MTAP: variants seen among roughly 807,000 people sequenced by gnomAD.
The protein encoded by MTAP is methylthioadenosine phosphorylase, also known as S-methyl-5'-thioadenosine phosphorylase.
MTAP carries 33 observed loss-of-function variants against 33.6 expected under a neutral mutation model. The observed-to-expected ratio is 0.98, with a 90% confidence interval of 0.74 to 1.31. The LOEUF (loss-of-function observed/expected upper bound fraction) is 1.31, where lower values mean the gene tolerates loss of function less well. MTAP is among the 40% of genes most tolerant of loss of function. The probability of loss-of-function intolerance (pLI) is 0.00; values close to 1 mark genes in which losing one functional copy is unlikely to be tolerated. For missense variants in MTAP, 367 were observed against 360.0 expected (o/e 1.02, Z -0.16); for synonymous variants, 148 against 125.7 (o/e 1.18, Z -1.19).
At chr9:21,894,798 C>T (rs1458233556) in intron 1 of MTAP, among the ~76,000 whole-genome samples, 3 of 151,482 alleles carry the variant, frequency 2.0e-5, no homozygotes, top group African/African-American at 7.3e-5. Context: ...CCAAAGCCTC[C>T]TGCATCTGAT....
intron 5 of MTAP, among the ~76,000 whole-genome samples, chr9:21,846,666 A>G (rs1397437968): frequency 1.3e-5 from 2 of 152,236 alleles, no homozygotes; most frequent in Admixed American, 6.5e-5. Context: ...ATGGAAAGCC[A>G]TATAGAGATT....
intron 1 of MTAP, among the ~76,000 whole-genome samples, chr9:21,913,754 C>A (rs1818626107): frequency 6.6e-6 from 1 of 152,164 alleles, no homozygotes; most frequent in Non-Finnish European, 1.5e-5. Context: ...AAAGCAATGG[C>A]AACAAAAGCC....
At chr9:21,897,437 A>G (rs1307250561) in intron 1 of MTAP, among the ~76,000 whole-genome samples, 1 of 152,202 alleles carries the variant, frequency 6.6e-6, no homozygotes, top group African/African-American at 2.4e-5. Context: ...GAGGAAGTCA[A>G]ATTGTCCCTG....
intron 5 of MTAP, among the ~76,000 whole-genome samples, chr9:21,848,766 T>C (rs1449285192): frequency 1.3e-5 from 2 of 152,176 alleles, no homozygotes; most frequent in African/African-American, 4.8e-5. Flanking sequence ...ATGTCAGATC[T>C]AACTGTGGTA....
chr9:21,910,266 A>G lies in MTAP; in HGVS notation c.148-20742A>G, dbSNP rs182947833. Among the ~76,000 whole-genome samples the G allele has an allele frequency of 1.6e-3, 237 of 152,250 alleles. 5 individuals are homozygous for G. The Middle Eastern group carries it at 0.027, about 17-fold the overall frequency. ...ATTACCAAAACACACAAAGATTCAC[A>G]CCATTAAAGAGTTTGTATCTTAGCA... is the stretch of plus-strand genomic sequence containing the variant. On this transcript the variant is annotated intron_variant, in intron 1 of 1. Coordinates refer to the MTAP transcript ENST00000577563.
intron 1 of MTAP, among the ~76,000 whole-genome samples, chr9:21,877,287 A>G (rs1826026358): frequency 6.6e-6 from 1 of 152,110 alleles, no homozygotes; most frequent in Non-Finnish European, 1.5e-5. Context: ...TATATAGATA[A>G]TCATGTCATG....
chr9:21,862,281 T>A lies in MTAP; in HGVS notation c.*267T>A, dbSNP rs1402928682. 4 of 671,458 alleles carry A rather than the reference T, an allele frequency of 6.0e-6. No individual in the cohort carries two copies. In the African/African-American group the frequency reaches 7.6e-5, roughly 13 times the overall value. 41.6% of individuals were successfully genotyped at this position (671,458 alleles called of 1,614,324 possible). A position where few individuals can be genotyped will look rare whatever the true frequency, so the allele number is the denominator to read the frequency against. ...TAAGGGGGAAAAAAAAACCCACCAT[T>A]CTCTTCTCCCCCTATTAAATTTGCA... On this transcript the variant is annotated 3_prime_UTR_variant, in exon 8 of 8. Transcript: ENST00000644715.
intron 1 of MTAP, among the ~76,000 whole-genome samples, chr9:21,809,741 C>A (rs1013795350): frequency 3.3e-5 from 5 of 152,172 alleles, no homozygotes; most frequent in African/African-American, 1.2e-4. Context: ...AAACAAACTA[C>A]GCCTTGCCCA....
At chr9:21,938,273 C>CAA (rs373456978), downstream of MTAP, among the ~76,000 whole-genome samples, 41 of 113,002 alleles carry the variant, frequency 3.6e-4, no homozygotes, top group South Asian at 1.2e-3. Flanking sequence ...GAGTCCTTCT[C>CAA]AAAAAAAAAA....
At chr9:21,843,054 G>A (rs1457973049) in intron 5 of MTAP, among the ~76,000 whole-genome samples, 1 of 152,030 alleles carries the variant, frequency 6.6e-6, no homozygotes, top group Non-Finnish European at 1.5e-5. Flanking sequence ...AAAAACTTAA[G>A]GTAAAAGGGT....
At chr9:21,930,927 G>A in intron 1 of MTAP, 4 of 662,954 alleles carry the variant, frequency 6.0e-6, no homozygotes, top group Non-Finnish European at 1.1e-5. Flanking sequence ...AGGCCCACAT[G>A]TTAGCCTCTA....
chr9:21,803,065 C>A (rs944626421), intron 1 of MTAP: 6 of 853,830 alleles, frequency 7.0e-6, no homozygotes, highest in Non-Finnish European at 9.7e-6. Flanking sequence ...GCACCCGCAC[C>A]CTGTAGGGCG....
intron 4 of MTAP, 118 bp from the exon 5 acceptor site, chr9:21,837,790 G>C (rs1248686271): frequency 1.4e-6 from 1 of 738,494 alleles, no homozygotes; most frequent in East Asian, 2.5e-5. Context: ...CAGAGGAATT[G>C]AGTCTGGAGT....
chr9:21,805,589 G>T (rs1034359251), intron 1 of MTAP, among the ~76,000 whole-genome samples: 92 of 152,196 alleles, frequency 6.0e-4, no homozygotes, highest in African/African-American at 2.1e-3. Context: ...CCAATGTGAT[G>T]GTATTAGAAG....
intron 1 of MTAP, among the ~76,000 whole-genome samples, chr9:21,885,094 G>T (rs1818088575): frequency 6.6e-6 from 1 of 152,044 alleles, no homozygotes; most frequent in Non-Finnish European, 1.5e-5. Flanking sequence ...GCTTATTTAT[G>T]ATTCATACTT....
chr9:21,934,586 T>C (rs2131053733), downstream of MTAP: 1 of 152,216 alleles, frequency 6.6e-6, no homozygotes, highest in South Asian at 2.1e-4. This position sits in a 1 kb window ranked among gnomAD's most constrained non-coding sequence, Gnocchi z 5.0. Context: ...GTCAGTTTAA[T>C]CTAAGAGCAA....
chr9:21,864,986 A>G lies in MTAP; in HGVS notation c.*2972A>G, dbSNP rs926098672. The G allele has an allele frequency of 5.1e-6, 5 of 985,348 alleles. No homozygotes were observed. The African/African-American group carries it at 8.7e-5, about 17-fold the overall frequency. 61.0% of individuals were successfully genotyped at this position (985,348 alleles called of 1,614,324 possible). On this transcript the variant is annotated 3_prime_UTR_variant, in exon 8 of 8. Transcript: ENST00000644715. ...ATTTAGCCAGCACTTATCCAGTGAA[A>G]CAATTTGATAAGGTTTCAAGGAGTA...
At chr9:21,803,150 T>C in intron 1 of MTAP, 1 of 419,798 alleles carries the variant, frequency 2.4e-6, no homozygotes, top group African/African-American at 2.1e-5. Context: ...TGAGAACCAC[T>C]CTTCTTCCAA....
At chr9:21,834,263 C>T (rs908118518) in intron 4 of MTAP, among the ~76,000 whole-genome samples, 1 of 152,148 alleles carries the variant, frequency 6.6e-6, no homozygotes, top group Admixed American at 6.5e-5. Context: ...AACTGAGGTG[C>T]AGAGAGACGA....
Sources: gnomAD v4.1 joint callset for allele counts (sites outside exome capture counted in the v4.1 genomes callset) on GRCh38, gnomAD v4.1.1 for gene constraint, Gnocchi (gnomAD v3.1) non-coding constraint, MANE v1.5 for transcripts, NCBI Gene and HGNC (gene_info 2026-07-23, HGNC 2026-07-21) for gene names.